The following OSBPL1A variants were observed in gnomAD, a reference collection of about 807,000 sequenced individuals.
The protein encoded by OSBPL1A is oxysterol-binding protein-related protein 1.
In OSBPL1A, 80 loss-of-function variants were observed where a neutral mutation model predicts 137.1. That is an observed-to-expected ratio of 0.58 (90% CI 0.49 to 0.70). OSBPL1A has a LOEUF of 0.70. Among genes scored for constraint, OSBPL1A ranks in the 30% least tolerant of loss-of-function variants. OSBPL1A has a pLI of 0.00. For synonymous variants in OSBPL1A, 365 were observed against 389.7 expected (o/e 0.94, Z 0.75); for missense variants, 970 against 1,129.4 (o/e 0.86, Z 2.02).
intron 13 of OSBPL1A, among the ~76,000 whole-genome samples, chr18:24,311,736 T>C (rs1272981628): frequency 6.6e-6 from 1 of 152,214 alleles, no homozygotes; most frequent in East Asian, 1.9e-4. Flanking sequence ...GTAAAAAGTT[T>C]CAGCTAAAAA....
chr18:24,199,479 G>A (rs1220373928), intron 17 of OSBPL1A, among the ~76,000 whole-genome samples: 1 of 151,932 alleles, frequency 6.6e-6, no homozygotes, highest in Non-Finnish European at 1.5e-5. Context: ...TCTTGCTGAT[G>A]TGTTGATGAC....
intron 27 of OSBPL1A, among the ~76,000 whole-genome samples, chr18:24,164,020 G>A (rs1352373341): frequency 3.9e-5 from 6 of 152,104 alleles, no homozygotes; most frequent in South Asian, 2.1e-4. Context: ...GTGAGCCACC[G>A]CACCTGGCCT....
chr18:24,181,012 G>T, intron 19 of OSBPL1A, 133 bp downstream of exon 19: 2 of 1,063,040 alleles, frequency 1.9e-6, no homozygotes, highest in Non-Finnish European at 2.7e-6. Flanking sequence ...GTCCAGACAT[G>T]CGGACTGAGC....
At position 24,289,509 on chromosome 18, in the gene OSBPL1A, C is replaced by T. The variant is rs538760120; in HGVS notation, c.1175-8561G>A. Among the ~76,000 whole-genome samples, 4 of 151,284 alleles carry T rather than the reference C, an allele frequency of 2.6e-5. No homozygotes were observed. The South Asian group carries it at 8.4e-4, about 32-fold the overall frequency. ...TGATCTTGGCTCACTGTAACCCCCA[C>T]CTCCCGGGTTCAAGCAATTCTCCTG... On this transcript the variant is annotated intron_variant, in intron 14 of 27. Transcript: ENST00000319481.
At chr18:24,174,096 T>C (rs539965718) in intron 21 of OSBPL1A, among the ~76,000 whole-genome samples, 2 of 152,352 alleles carry the variant, frequency 1.3e-5, no homozygotes, top group South Asian at 2.1e-4. Context: ...TTCCGCTGTA[T>C]GGATATGCCA....
At chr18:24,268,437 A>C (rs1182730665) in intron 15 of OSBPL1A, among the ~76,000 whole-genome samples, 1 of 152,092 alleles carries the variant, frequency 6.6e-6, no homozygotes, top group Non-Finnish European at 1.5e-5. Context: ...AAGCTTCTAA[A>C]ACTTCCAAAA....
intron 11 of OSBPL1A, among the ~76,000 whole-genome samples, chr18:24,315,823 T>TTA (rs1568021783): frequency 1.8e-5 from 2 of 114,050 alleles, no homozygotes; most frequent in African/African-American, 7.1e-5. Flanking sequence ...ATAAAATATA[T>TTA]AATATATAGT....
intron 7 of OSBPL1A, among the ~76,000 whole-genome samples, chr18:24,328,854 A>G (rs2146136944): frequency 6.6e-6 from 1 of 152,340 alleles, no homozygotes; most frequent in Non-Finnish European, 1.5e-5. Flanking sequence ...ATTACTGTTT[A>G]CCGATTATAT....
At chr18:24,262,135 T>C (rs567007520) in intron 15 of OSBPL1A, among the ~76,000 whole-genome samples, 1 of 152,344 alleles carries the variant, frequency 6.6e-6, no homozygotes, top group South Asian at 2.1e-4. Context: ...AAAATACGCC[T>C]ACTTAGGAAC....
chr18:24,345,319 G>A (rs141834685), intron 4 of OSBPL1A, among the ~76,000 whole-genome samples: 74 of 152,058 alleles, frequency 4.9e-4, no homozygotes, highest in African/African-American at 1.7e-3. Flanking sequence ...AACCACTGCC[G>A]ACCTTTGGAA....
chr18:24,337,141 G>A (rs555938467), intron 5 of OSBPL1A, among the ~76,000 whole-genome samples: 1 of 152,128 alleles, frequency 6.6e-6, no homozygotes, highest in East Asian at 1.9e-4. Context: ...AATCACAAGA[G>A]AAAAACCAAA....
Position 24,179,738 on chromosome 18 carries a change from C to T in OSBPL1A, c.1910G>A (p.Arg637Gln). 6.2e-7 allele frequency: 1 copy of T among 1,613,388 alleles called. No homozygotes were observed. The highest frequency in any genetic ancestry group is 8.5e-7 in the Non-Finnish European group (1 of 1,179,350). ...PLLGETYELVRDDLGFRLISE... is the reference protein window; with the variant it reads ...PLLGETYELVQDDLGFRLISE... ...AAAGCATGCAAGTGAAAGGCCTCACCGCACTAATTCATAAGTCTCTCCCAG... is the reference window on the plus strand; with the variant it reads ...AAAGCATGCAAGTGAAAGGCCTCACTGCACTAATTCATAAGTCTCTCCCAG... Residue 637 changes from arginine (R) to glutamine (Q), a missense_variant and splice_region_variant, in exon 20 of 28, where the codon CGA (arginine) becomes CAA (glutamine). By Grantham distance (43) the Arg-to-Gln change is conservative. Transcript: ENST00000319481.
chr18:24,170,468 T>G lies in OSBPL1A; in HGVS notation c.2292-15A>C. On this transcript the variant is annotated splice_polypyrimidine_tract_variant and intron_variant, in intron 23 of 27. Transcript: ENST00000319481. ...GCTTCTTTTTGCTGTCAAGAAAAAC[T>G]GATGTTTAGTTAACAAACCAGTGTT... 6.2e-7 allele frequency: 1 copy of G among 1,613,792 alleles called. No homozygotes were observed. Among genetic ancestry groups the G allele is most frequent in the Non-Finnish European group, 8.5e-7 (1 of 1,179,954 alleles).
chr18:24,175,121 TATATATATATATATACAC>T (rs2086406339), intron 21 of OSBPL1A, among the ~76,000 whole-genome samples: 3 of 128,952 alleles, frequency 2.3e-5, no homozygotes, highest in Admixed American at 7.4e-5. Flanking sequence ...TATATATATA[TATATATATATATATACAC>T]ATATATATAT....
intron 16 of OSBPL1A, among the ~76,000 whole-genome samples, chr18:24,236,671 C>T (rs1567965880): frequency 6.6e-6 from 1 of 152,214 alleles, no homozygotes; most frequent in Non-Finnish European, 1.5e-5. Context: ...CCTTGCTCCA[C>T]TTCCTATAGC....
chr18:24,283,281 A>ATATATAT (rs1555644491), intron 14 of OSBPL1A, among the ~76,000 whole-genome samples: 7 of 78,368 alleles, frequency 8.9e-5, no homozygotes, highest in African/African-American at 2.6e-4. Flanking sequence ...AAAAAAAAAA[A>ATATATAT]ATATATATAT....
intron 4 of OSBPL1A, among the ~76,000 whole-genome samples, chr18:24,360,043 C>T (rs2091598328): frequency 6.6e-6 from 1 of 152,224 alleles, no homozygotes; most frequent in Admixed American, 6.5e-5. Context: ...TCTCGGCTCA[C>T]TGCAACCTCC....
At chr18:24,325,738 G>A (rs1366799004) in intron 7 of OSBPL1A, among the ~76,000 whole-genome samples, 5 of 152,178 alleles carry the variant, frequency 3.3e-5, no homozygotes, top group African/African-American at 7.2e-5. Flanking sequence ...CACCTAGGAC[G>A]GTTCTTGGCA....
intron 1 of OSBPL1A, among the ~76,000 whole-genome samples, chr18:24,379,854 G>A (rs1906456931): frequency 6.6e-6 from 1 of 152,104 alleles, no homozygotes; most frequent in African/African-American, 2.4e-5. Flanking sequence ...CTGGGAAACA[G>A]AGCAAGACAC....
Sources: allele counts gnomAD v4.1 joint callset (sites outside exome capture counted in the v4.1 genomes callset), GRCh38; gene constraint gnomAD v4.1.1; transcripts MANE v1.5; gene names NCBI Gene and HGNC (gene_info 2026-07-23, HGNC 2026-07-21).